The following OPRM1 variants were observed in gnomAD, a reference collection of about 807,000 sequenced individuals.
OPRM1 encodes mu-type opioid receptor.
Under a neutral mutation model 31.8 loss-of-function variants are expected in OPRM1, and 27 were observed. The observed-to-expected ratio is 0.85, with a 90% CI of 0.63 to 1.17. The LOEUF (loss-of-function observed/expected upper bound fraction) is 1.17, where lower values mean the gene tolerates loss of function less well. Ranked by LOEUF, OPRM1 falls within the 50% of genes most tolerant of loss-of-function variation. The pLI is 0.00. For synonymous variants in OPRM1, 196 were observed against 189.9 expected, an observed-to-expected ratio of 1.03 and a Z score of -0.26; for missense variants, 536 against 511.1, an observed-to-expected ratio of 1.05 and a Z score of -0.47.
At chr6:154,108,692 CG>C (rs1795977744) in intron 3 of OPRM1, 1 of 679,728 alleles carries the variant, frequency 1.5e-6, no homozygotes, top group Non-Finnish European at 1.8e-6. Flanking sequence ...GGGACTTTAA[CG>C]AGAGGGGTCT....
At chr6:154,153,356 A>C (rs543862292) in intron 3 of OPRM1, among the ~76,000 whole-genome samples, 1 of 152,276 alleles carries the variant, frequency 6.6e-6, no homozygotes, top group South Asian at 2.1e-4. Flanking sequence ...CACCTGGATT[A>C]TCCAGGTGAG....
chr6:154,077,196 T>G (rs1788048127), intron 1 of OPRM1, among the ~76,000 whole-genome samples: 3 of 152,242 alleles, frequency 2.0e-5, no homozygotes, highest in South Asian at 4.1e-4. Flanking sequence ...TTTCCCTGCT[T>G]CTTCAAGTTT....
intron 3 of OPRM1, among the ~76,000 whole-genome samples, chr6:154,162,767 C>G (rs1799127632): frequency 6.6e-6 from 1 of 152,160 alleles, no homozygotes; most frequent in Non-Finnish European, 1.5e-5. Context: ...CTGAGGGTCC[C>G]AAGTTTATAT....
chr6:154,110,238 A>G, intron 3 of OPRM1: 1 of 569,458 alleles, frequency 1.8e-6, no homozygotes, highest in Non-Finnish European at 3.1e-6. Flanking sequence ...TGGTGATATT[A>G]CAAGAAAAAA....
chr6:154,098,781 T>C (rs1289047949), intron 3 of OPRM1, among the ~76,000 whole-genome samples: 2 of 152,214 alleles, frequency 1.3e-5, no homozygotes, highest in Non-Finnish European at 2.9e-5. Flanking sequence ...GGAGAGTACA[T>C]TATGAGAAAT....
chr6:154,209,171 G>T (rs964701314), intron 3 of OPRM1, among the ~76,000 whole-genome samples: 1 of 151,854 alleles, frequency 6.6e-6, no homozygotes, highest in Non-Finnish European at 1.5e-5. Flanking sequence ...AAATTTTTTT[G>T]AATTTTCCAA....
chr6:154,086,713 A>C, intron 1 of OPRM1: 3 of 985,374 alleles, frequency 3.0e-6, no homozygotes, highest in Non-Finnish European at 3.6e-6. Context: ...GACTGTAAAG[A>C]AACCAATTAC....
chr6:154,139,662 G>C (rs189024180), intron 3 of OPRM1, among the ~76,000 whole-genome samples: 4 of 152,236 alleles, frequency 2.6e-5, no homozygotes, highest in African/African-American at 9.6e-5. Context: ...CATCACTATG[G>C]CTGCAGCTGG....
chr6:154,099,284 A>AAAGG (rs1161451260), intron 3 of OPRM1, among the ~76,000 whole-genome samples: 9 of 45,124 alleles, frequency 2.0e-4, no homozygotes, highest in South Asian at 7.8e-4. Context: ...GAGTCTGTCG[A>AAAGG]AAGGAAGGAA....
chr6:154,200,747 G>A (rs893609980), intron 3 of OPRM1, among the ~76,000 whole-genome samples: 1 of 152,074 alleles, frequency 6.6e-6, no homozygotes, highest in African/African-American at 2.4e-5. Context: ...AGCAAAAGCT[G>A]GAGCCATTCC....
intron 3 of OPRM1, among the ~76,000 whole-genome samples, chr6:154,205,428 C>T (rs1777410924): frequency 6.6e-6 from 1 of 152,124 alleles, no homozygotes; most frequent in Non-Finnish European, 1.5e-5. Context: ...AACCCTGTCT[C>T]TACTAAAAAT....
At position 154,128,161 on chromosome 6, in the gene OPRM1, T is replaced by C. The variant is rs895496366; in HGVS notation, c.*9440T>C. Among the ~76,000 whole-genome samples, 8 of 152,186 alleles carry C rather than the reference T, an allele frequency of 5.3e-5. No individual in the cohort carries two copies. Among genetic ancestry groups the C allele is most frequent in the African/African-American group, 1.9e-4 (8 of 41,448 alleles). On this transcript the variant is annotated 3_prime_UTR_variant, in exon 4 of 4. Coordinates refer to ENST00000330432, the MANE Select transcript of OPRM1 (RefSeq NM_000914.5). ...CCCCTTGCTACCTGTAATTCAATCATATAACTTCTGAATGGGCTGGGGGAA... is the reference window on the plus strand; with the variant it reads ...CCCCTTGCTACCTGTAATTCAATCACATAACTTCTGAATGGGCTGGGGGAA...
At chr6:154,079,627 T>C (rs1157719801) in intron 1 of OPRM1, among the ~76,000 whole-genome samples, 2 of 152,206 alleles carry the variant, frequency 1.3e-5, no homozygotes, top group African/African-American at 4.8e-5. Flanking sequence ...AAAAATCATT[T>C]AGAAATATAA....
At chr6:154,239,712 T>C (rs1583880372) in intron 3 of OPRM1, among the ~76,000 whole-genome samples, 1 of 60,000 alleles carries the variant, frequency 1.7e-5, no homozygotes, top group Admixed American at 1.3e-4. Context: ...CTGAAGAAAC[T>C]TTTTTTTTTG....
At chr6:154,101,959 A>G (rs1794894472) in intron 3 of OPRM1, among the ~76,000 whole-genome samples, 1 of 152,148 alleles carries the variant, frequency 6.6e-6, no homozygotes, top group South Asian at 2.1e-4. Flanking sequence ...ATTTTTTTGG[A>G]GACAGGATTT....
chr6:154,045,954 C>T (rs975273354), intron 1 of OPRM1, among the ~76,000 whole-genome samples: 7 of 152,202 alleles, frequency 4.6e-5, no homozygotes, highest in Non-Finnish European at 8.8e-5. Context: ...AAACATGCCT[C>T]GTTTTCCTCT....
chr6:154,119,364 T>A lies in OPRM1; in HGVS notation c.*643T>A, dbSNP rs568037084. The A allele has an allele frequency of 3.0e-6, 3 of 985,248 alleles. No individual in the cohort carries two copies. In the African/African-American group the frequency reaches 5.2e-5, roughly 17 times the overall value. The allele number at this position is 985,248 out of a possible 1,614,324, so 61.0% of individuals were successfully genotyped here. A position where few individuals can be genotyped will look rare whatever the true frequency, so the allele number is the denominator to read the frequency against. ...AGGTAATCTGAAACACAGTCATGTG[T>A]CAGCTGTAGAAAGGTTGATTCTCAT... On this transcript the variant is annotated 3_prime_UTR_variant, in exon 4 of 4. Transcript: ENST00000330432.
chr6:154,184,650 A>G (rs560554425), intron 3 of OPRM1, among the ~76,000 whole-genome samples: 1 of 152,184 alleles, frequency 6.6e-6, no homozygotes, highest in African/African-American at 2.4e-5. Flanking sequence ...CCTATAACAG[A>G]TATTACCAAT....
chr6:154,076,580 A>G (rs1209246923), intron 1 of OPRM1, among the ~76,000 whole-genome samples: 1 of 152,102 alleles, frequency 6.6e-6, no homozygotes, highest in Non-Finnish European at 1.5e-5. Flanking sequence ...CACTTTTGGA[A>G]CTGGTCATCA....
Sources: allele counts gnomAD v4.1 joint callset (sites outside exome capture counted in the v4.1 genomes callset), GRCh38; gene constraint gnomAD v4.1.1; transcripts MANE v1.5; gene names NCBI Gene and HGNC (gene_info 2026-07-23, HGNC 2026-07-21).